HOXB6: variants seen among roughly 807,000 people sequenced by gnomAD.
HOXB6 encodes homeobox protein Hox-B6.
A neutral mutation model predicts 24.2 loss-of-function variants in HOXB6; 18 were observed. The observed-to-expected ratio is 0.74, with a 90% CI of 0.51 to 1.10. The LOEUF (loss-of-function observed/expected upper bound fraction) is 1.10, where lower values mean the gene tolerates loss of function less well. HOXB6 is among the 50% of genes least tolerant of loss of function. HOXB6 has a pLI of 0.00. For missense variants in HOXB6, 332 were observed against 308.3 expected (o/e 1.08, Z -0.58); for synonymous variants, 159 against 139.1 (o/e 1.14, Z -1.01).
intron 2 of HOXB6, chr17:48,601,781 A>G: frequency 4.6e-6 from 1 of 217,374 alleles, no homozygotes; most frequent in Non-Finnish European, 9.4e-6. Context: ...ACCGCAGGCA[A>G]TTTCCTGGAA....
rs1229380156 is a variant in HOXB6 at position 48,596,374 on chromosome 17, G to A, written c.*39C>T. 1 of 1,614,112 alleles carries A rather than the reference G, an allele frequency of 6.2e-7. No homozygotes were observed. The highest frequency in any genetic ancestry group is 8.5e-7 in the Non-Finnish European group (1 of 1,180,014). On this transcript the variant is annotated 3_prime_UTR_variant, in exon 4 of 4. Coordinates refer to ENST00000225648, the MANE Select transcript of HOXB6 (RefSeq NM_018952.5). The surrounding 1 kb of genome is among the most constrained non-coding windows in gnomAD (Gnocchi z 4.8). Reference sequence around the variant, plus strand: ...TCTCTGACGCCCTCGGCTCCCCACAGGCCTTTCCCCTCGCGTCCTCCCTCC... The same window carrying A: ...TCTCTGACGCCCTCGGCTCCCCACAAGCCTTTCCCCTCGCGTCCTCCCTCC...
At chr17:48,603,927 C>G (rs1002522056) in intron 2 of HOXB6, 46 of 152,720 alleles carry the variant, frequency 3.0e-4, no homozygotes, top group African/African-American at 1.1e-3. Context: ...GTTTCTCTAG[C>G]CGTTTCCTCT....
intron 2 of HOXB6, chr17:48,602,232 G>C (rs1281809275): frequency 4.4e-6 from 2 of 456,000 alleles, no homozygotes; most frequent in East Asian, 6.9e-5. Context: ...ACACAGACCC[G>C]GTTTGTCTTT....
Position 48,600,991 on chromosome 17 carries a change from C to CGTGTGTGTGTGT in HOXB6, c.-78-2775_-78-2764dup, listed in dbSNP as rs58180060. Among the ~76,000 whole-genome samples, 553 of 145,752 alleles carry CGTGTGTGTGTGT rather than the reference C, an allele frequency of 3.8e-3. 4 individuals are homozygous for CGTGTGTGTGTGT. The highest frequency in any genetic ancestry group is 0.012 in the African/African-American group (470 of 39,656). On this transcript the variant is annotated intron_variant, in intron 2 of 3. Transcript: ENST00000225648. ...TAGGTAACCTCAGGAGGGATATTTG[C>CGTGTGTGTGTGT]GTGTGTGTGTGTGTGTGTGTGTGTG... is the stretch of plus-strand genomic sequence containing the variant.
At position 48,596,115 on chromosome 17, in the gene HOXB6, A is replaced by G. The variant is rs1209784335; in HGVS notation, c.*298T>C. ...AAGAGCATTTTGCTCTGCTTCCAGG[A>G]AACATCAAGTGAGTCCGCTCCTCAG... On this transcript the variant is annotated 3_prime_UTR_variant, in exon 4 of 4. Transcript: ENST00000225648. This position sits in a 1 kb window ranked among gnomAD's most constrained non-coding sequence, Gnocchi z 4.8. The G allele has an allele frequency of 1.1e-5, 7 of 609,618 alleles. No individual in the cohort carries two copies. Among genetic ancestry groups the G allele is most frequent in the Non-Finnish European group, 2.1e-5 (7 of 325,760 alleles). 37.8% of individuals were successfully genotyped at this position (609,618 alleles called of 1,614,324 possible). A position where few individuals can be genotyped will look rare whatever the true frequency, so the allele number is the denominator to read the frequency against.
Position 48,595,930 on chromosome 17 carries a change from C to T in HOXB6, c.*483G>A, listed in dbSNP as rs1228651374. On this transcript the variant is annotated 3_prime_UTR_variant, in exon 4 of 4. Coordinates refer to ENST00000225648, the MANE Select transcript of HOXB6 (RefSeq NM_018952.5). ...TTTTCTTCTGAGGCTCCTCTTCTTACTTCTAGGTAGTATGTGCTCCTTCCA... is the reference window on the plus strand; with the variant it reads ...TTTTCTTCTGAGGCTCCTCTTCTTATTTCTAGGTAGTATGTGCTCCTTCCA... 2 of 374,570 alleles carry T rather than the reference C, an allele frequency of 5.3e-6. No homozygotes were observed. Among genetic ancestry groups the T allele is most frequent in the Admixed American group, 3.4e-5 (1 of 29,114 alleles). 23.2% of individuals were successfully genotyped at this position (374,570 alleles called of 1,614,324 possible).
intron 2 of HOXB6, chr17:48,602,102 TGGA>T: frequency 2.2e-6 from 1 of 455,958 alleles, no homozygotes; most frequent in South Asian, 1.5e-5. Context: ...AGATCGAGAA[TGGA>T]GGAGGGGATC....
rs1221570640 is a variant in HOXB6 at position 48,597,925 on chromosome 17, G to A, written c.226C>T (p.Pro76Ser). Residue 76 changes from proline (P) to serine (S), a missense_variant, in exon 3 of 4, where the codon CCG becomes TCG. Physicochemically the swap from Pro to Ser is moderately conservative, Grantham distance 74. Transcript: ENST00000225648. The part of the protein sequence containing the change: ...YGRAAPCDYG[P>S]APAFYREKES... ...TTCTCGCGGTAGAAGGCCGGCGCCG[G>A]CCCGTAGTCGCAGGGCGCCGCTCGG... 6.4e-7 allele frequency: 1 copy of A among 1,573,824 alleles called. No homozygotes were observed. The highest frequency in any genetic ancestry group is 1.2e-5 in the South Asian group (1 of 86,660).
At chr17:48,603,782 T>C (rs2070521869) in intron 2 of HOXB6, 1 of 152,280 alleles carries the variant, frequency 6.6e-6, no homozygotes, top group Non-Finnish European at 1.5e-5. Flanking sequence ...GCGAGATACT[T>C]GGGCATTCTC....
chr17:48,596,319 C>A lies in HOXB6; in HGVS notation c.*94G>T, dbSNP rs894173001. 2 of 1,581,330 alleles carry A rather than the reference C, an allele frequency of 1.3e-6. No individual in the cohort carries two copies. Among genetic ancestry groups the A allele is most frequent in the Non-Finnish European group, 1.7e-6 (2 of 1,152,480 alleles). On this transcript the variant is annotated 3_prime_UTR_variant, in exon 4 of 4. Transcript: ENST00000225648. The surrounding 1 kb of genome is among the most constrained non-coding windows in gnomAD (Gnocchi z 4.8). ...GCGCCGGAGAGCAGGTCTCCTGGCT[C>A]CCCCACCCGAGAGCCTTCCTTCCCG...
Position 48,596,853 on chromosome 17 carries a change from T to G in HOXB6, c.416-181A>C, listed in dbSNP as rs766192428. ...AGATTCCCTCCTAGTCTCCTAGGCCTGTGCCGTCTGTCTAGACTCTAGATG... is the reference window on the plus strand; with the variant it reads ...AGATTCCCTCCTAGTCTCCTAGGCCGGTGCCGTCTGTCTAGACTCTAGATG... On this transcript the variant is annotated intron_variant, in intron 3 of 3. Transcript: ENST00000225648. The surrounding 1 kb of genome is among the most constrained non-coding windows in gnomAD (Gnocchi z 4.8). The G allele has an allele frequency of 7.9e-5, 100 of 1,259,434 alleles. No individual in the cohort carries two copies. The highest frequency in any genetic ancestry group is 1.1e-4 in the Non-Finnish European group (99 of 919,122). The allele number at this position is 1,259,434 out of a possible 1,614,324, so 78.0% of individuals were successfully genotyped here. A position where few individuals can be genotyped will look rare whatever the true frequency, so the allele number is the denominator to read the frequency against.
In HOXB6 at chr17:48,597,869, G is replaced by A. The variant is rs760358158; in HGVS notation, c.282C>T (p.Asp94=). The A allele has an allele frequency of 8.8e-6, 14 of 1,591,742 alleles. No homozygotes were observed. The highest frequency in any genetic ancestry group is 5.4e-5 in the African/African-American group (4 of 74,268). ...GCTCGGGGTGGAACGGGGGCTGCTC[G>A]TCGGCGCCGGAGAGTGCGCAGGCCG... ...KESACALSGA[D]EQPPFHPEPR... is the part of the protein sequence containing the mutation. The change falls in exon 3 of 4, where the codon GAC becomes GAT. Residue 94 remains aspartate, a synonymous_variant. Transcript: ENST00000225648.
chr17:48,597,663 C>CG, intron 3 of HOXB6, 73 bp downstream of exon 3: 1 of 1,484,226 alleles, frequency 6.7e-7, no homozygotes, highest in Non-Finnish European at 9.3e-7. Flanking sequence ...GGGCAGGGGG[C>CG]GCTCACTAGT....
chr17:48,600,519 C>A (rs1462209018), intron 2 of HOXB6: 2 of 455,816 alleles, frequency 4.4e-6, no homozygotes, highest in Admixed American at 2.3e-5. Context: ...GAAAATAGCG[C>A]CTCATCGCTC....
At chr17:48,603,973 A>G (rs1351450075) in intron 2 of HOXB6, 2 of 152,730 alleles carry the variant, frequency 1.3e-5, no homozygotes, top group East Asian at 3.8e-4. Flanking sequence ...CAGGCCCTAT[A>G]GAAACCAGGA....
At position 48,596,607 on chromosome 17, in the gene HOXB6, G is replaced by A. The variant is rs760686087; in HGVS notation, c.481C>T (p.Leu161=). The change falls in exon 4 of 4, where the codon CTG becomes TTG. Residue 161 remains leucine, a synonymous_variant. Transcript: ENST00000225648. This position sits in a 1 kb window ranked among gnomAD's most constrained non-coding sequence, Gnocchi z 4.8. The part of the protein sequence containing the change: ...QTYTRYQTLE[L]EKEFHYNRYL... ...CGATTGTAGTGAAACTCCTTCTCCA[G>A]CTCCAGCGTCTGGTAACGTGTGTAT... The A allele has an allele frequency of 6.2e-7, 1 of 1,614,192 alleles. No individual in the cohort carries two copies. Among genetic ancestry groups the A allele is most frequent in the Non-Finnish European group, 8.5e-7 (1 of 1,180,046 alleles).
intron 2 of HOXB6, chr17:48,601,306 C>G (rs773327612): frequency 6.6e-6 from 1 of 152,156 alleles, no homozygotes; most frequent in Non-Finnish European, 1.5e-5. Context: ...GCCCTAAAAT[C>G]GGCCCCTCCA....
chr17:48,597,184 C>T, intron 3 of HOXB6: 1 of 607,992 alleles, frequency 1.6e-6, no homozygotes, highest in South Asian at 4.4e-5. Flanking sequence ...GCTCCGCCTG[C>T]TCCCTCTCTC....
At chr17:48,600,890 G>C (rs1392258078) in intron 2 of HOXB6, among the ~76,000 whole-genome samples, 1 of 152,176 alleles carries the variant, frequency 6.6e-6, no homozygotes, top group Non-Finnish European at 1.5e-5. Context: ...CTGCAGTCCT[G>C]TGGGCAAGCT....
Sources: allele counts gnomAD v4.1 joint callset (sites outside exome capture counted in the v4.1 genomes callset), GRCh38; gene constraint gnomAD v4.1.1; non-coding constraint Gnocchi (gnomAD v3.1); transcripts MANE v1.5; gene names NCBI Gene and HGNC (gene_info 2026-07-23, HGNC 2026-07-21).